Variants in TNR observed in about 807,000 individuals in gnomAD.
TNR encodes the protein tenascin-R.
TNR carries 45 observed loss-of-function variants against 150.4 expected under a neutral mutation model. The observed-to-expected ratio is 0.30, with a 90% CI of 0.24 to 0.38. TNR has a LOEUF of 0.38. Ranked by LOEUF, TNR falls within the 10% of genes least tolerant of loss-of-function variation. The pLI is 1.00. For missense variants in TNR, 1,544 were observed against 1,759.1 expected, an observed-to-expected ratio of 0.88 and a Z score of 2.19; for synonymous variants, 687 against 678.4, an observed-to-expected ratio of 1.01 and a Z score of -0.20.
At chr1:175,711,773 G>A (rs1047862393) in intron 1 of TNR, among the ~76,000 whole-genome samples, 8 of 152,196 alleles carry the variant, frequency 5.3e-5, no homozygotes, top group African/African-American at 1.4e-4. Context: ...ATGAGAGAGT[G>A]AGAGCAGTCG....
At chr1:175,349,511 C>A (rs150348899) in intron 18 of TNR, among the ~76,000 whole-genome samples, 2 of 152,206 alleles carry the variant, frequency 1.3e-5, no homozygotes, top group East Asian at 3.9e-4. Context: ...AACCCAATAC[C>A]GCTTACATAT....
At chr1:175,453,311 T>G (rs374476279) in intron 2 of TNR, among the ~76,000 whole-genome samples, 3 of 151,990 alleles carry the variant, frequency 2.0e-5, no homozygotes, top group African/African-American at 7.2e-5. Context: ...CCAGACTTGA[T>G]GCTGAGCCAG....
intron 1 of TNR, among the ~76,000 whole-genome samples, chr1:175,675,042 C>T (rs1040497963): frequency 6.6e-6 from 1 of 152,094 alleles, no homozygotes; most frequent in Non-Finnish European, 1.5e-5. Context: ...GACTATTGAG[C>T]TTATTTTTTG....
At chr1:175,376,010 C>A (rs986017568) in intron 9 of TNR, among the ~76,000 whole-genome samples, 18 of 152,090 alleles carry the variant, frequency 1.2e-4, no homozygotes, top group African/African-American at 4.1e-4. Flanking sequence ...TGGTCTCCCC[C>A]CTGAGTGGGG....
intron 1 of TNR, among the ~76,000 whole-genome samples, chr1:175,563,183 C>T (rs1377993870): frequency 1.3e-5 from 2 of 152,138 alleles, no homozygotes; most frequent in Non-Finnish European, 2.9e-5. Context: ...TGTTTTCATA[C>T]AATTAACGGA....
At position 175,349,875 on chromosome 1, in the gene TNR, G is replaced by T. The variant is rs55668306; in HGVS notation, c.3382+4516C>A. Among the ~76,000 whole-genome samples the T allele has an allele frequency of 2.5e-3, 384 of 152,256 alleles. 2 individuals are homozygous for T. Among genetic ancestry groups the T allele is most frequent in the African/African-American group, 8.9e-3 (371 of 41,550 alleles). On this transcript the variant is annotated intron_variant, in intron 18 of 22. Coordinates refer to ENST00000367674, the MANE Select transcript of TNR (RefSeq NM_003285.3). ...AAGAAGGTAGACTTCTCCTTTTAGG[G>T]GTTTGTTTGTCTTATAATAAAGCAA...
chr1:175,732,446 C>A (rs1667669749), intron 1 of TNR, among the ~76,000 whole-genome samples: 1 of 152,194 alleles, frequency 6.6e-6, no homozygotes, highest in African/African-American at 2.4e-5. Context: ...GACCTGGATT[C>A]TTTTCTCATC....
chr1:175,471,320 C>T (rs919713834), intron 2 of TNR, among the ~76,000 whole-genome samples: 7 of 152,132 alleles, frequency 4.6e-5, no homozygotes, highest in Non-Finnish European at 1.0e-4. Context: ...AGTACAGTCA[C>T]GCGTTGTTTA....
At chr1:175,386,453 G>T in intron 7 of TNR, 152 bp from the exon 8 acceptor site, 1 of 898,170 alleles carries the variant, frequency 1.1e-6, no homozygotes, top group Non-Finnish European at 1.6e-6. Flanking sequence ...ATGAGACACA[G>T]TAAGATGAAT....
In TNR at chr1:175,331,051, T is replaced by TTCTTTCTTTCTTTCTTTCCTTC. The variant is rs1553203319; in HGVS notation, c.3632-817_3632-816insGAAGGAAAGAAAGAAAGAAAGA. Among the ~76,000 whole-genome samples the TTCTTTCTTTCTTTCTTTCCTTC allele has an allele frequency of 4.3e-3, 462 of 106,720 alleles. 10 individuals are homozygous for TTCTTTCTTTCTTTCTTTCCTTC. The highest frequency in any genetic ancestry group is 9.7e-3 in the Admixed American group (93 of 9,620). The allele number at this position is 106,720 out of a possible 152,430, so 70.0% of individuals were successfully genotyped here. A position where few individuals can be genotyped will look rare whatever the true frequency, so the allele number is the denominator to read the frequency against. On this transcript the variant is annotated intron_variant, in intron 20 of 22. Transcript: ENST00000367674. The stretch of plus-strand genomic sequence containing the variant: ...TTTCTTTCTTTCTTTCTTTCTTTCT[T>TTCTTTCTTTCTTTCTTTCCTTC]TCTTTCTTTCTTTCTTTCTTTCTTT...
chr1:175,477,293 T>C (rs114023059), intron 2 of TNR, among the ~76,000 whole-genome samples: 1 of 152,356 alleles, frequency 6.6e-6, no homozygotes, highest in African/African-American at 2.4e-5. Flanking sequence ...CATTTTCATA[T>C]GTTCCACACA....
intron 1 of TNR, among the ~76,000 whole-genome samples, chr1:175,677,845 G>T (rs563027319): frequency 2.6e-5 from 4 of 151,974 alleles, no homozygotes; most frequent in Non-Finnish European, 5.9e-5. Flanking sequence ...GTTTGAAAAC[G>T]GCAAAGGGCT....
intron 2 of TNR, among the ~76,000 whole-genome samples, chr1:175,481,029 A>T (rs1398957445): frequency 6.6e-6 from 1 of 152,116 alleles, no homozygotes; most frequent in Non-Finnish European, 1.5e-5. Context: ...TGAACTGAAA[A>T]CCTTCTGCGT....
At chr1:175,373,488 T>C (rs984925574) in intron 9 of TNR, among the ~76,000 whole-genome samples, 1 of 152,208 alleles carries the variant, frequency 6.6e-6, no homozygotes, top group African/African-American at 2.4e-5. Flanking sequence ...TGAGTCAGGC[T>C]TTCGAGGCCA....
intron 2 of TNR, among the ~76,000 whole-genome samples, chr1:175,527,670 T>C (rs1398311643): frequency 1.3e-5 from 2 of 152,180 alleles, no homozygotes; most frequent in Non-Finnish European, 2.9e-5. Flanking sequence ...ACTCTATGAA[T>C]CCTAAGAGCC....
chr1:175,471,608 A>G lies in TNR; in HGVS notation c.-64+56661T>C, dbSNP rs138536688. On this transcript the variant is annotated intron_variant, in intron 2 of 22. Transcript: ENST00000367674. ...AAAAAATGGTACATCTATACAGGGC[A>G]CTTACTATGAATGGAGCCTGCATGA... Among the ~76,000 whole-genome samples the G allele has an allele frequency of 2.3e-3, 354 of 152,322 alleles. 11 individuals are homozygous for G. In the East Asian group the frequency reaches 0.056, roughly 24 times the overall value.
intron 1 of TNR, among the ~76,000 whole-genome samples, chr1:175,702,773 A>G (rs758019089): frequency 7.2e-5 from 11 of 152,248 alleles, no homozygotes; most frequent in Admixed American, 6.5e-5. Context: ...GAGCCATTAA[A>G]TGTTCCACAT....
rs530585743 is a variant in TNR, at chr1:175,725,646, T to TG, written c.-165+17579dup. 8.1e-4 allele frequency among the ~76,000 whole-genome samples: 123 copies of TG among 152,190 alleles called. No individual in the cohort carries two copies. In the Middle Eastern group the frequency reaches 0.017, roughly 21 times the overall value. ...AAAAAATAACAGGCAAGAGAAGATGTGGGGAAAATAGGTACTTGTTTTAAT... is the reference window on the plus strand; with the variant it reads ...AAAAAATAACAGGCAAGAGAAGATGTGGGGGAAAATAGGTACTTGTTTTAAT... On this transcript the variant is annotated intron_variant, in intron 1 of 22. Transcript: ENST00000367674.
intron 2 of TNR, among the ~76,000 whole-genome samples, chr1:175,510,765 T>TTAAAG (rs149280634): frequency 0.028 from 4,292 of 152,310 alleles, 91 homozygotes; most frequent in African/African-American, 0.057. Context: ...GCATTTATCT[T>TTAAAG]TAAAGTATCA....
Sources: gnomAD v4.1 joint callset for allele counts (sites outside exome capture counted in the v4.1 genomes callset) on GRCh38, gnomAD v4.1.1 for gene constraint, MANE v1.5 for transcripts, NCBI Gene and HGNC (gene_info 2026-07-23, HGNC 2026-07-21) for gene names.